ITPKB: variants seen among roughly 807,000 people sequenced by gnomAD.
ITPKB encodes the protein inositol-trisphosphate 3-kinase B, also known as IP3 3-kinase B.
ITPKB carries 13 observed loss-of-function variants against 69.4 expected under a neutral mutation model. That is an observed-to-expected ratio of 0.19 (90% CI 0.12 to 0.30). The LOEUF is 0.30. Among genes scored for constraint, ITPKB ranks in the 10% least tolerant of loss-of-function variants. The pLI is 1.00. For missense variants in ITPKB, 1,240 were observed against 1,250.5 expected (o/e 0.99, Z 0.13); for synonymous variants, 584 against 513.7 (o/e 1.14, Z -1.85).
At chr1:226,640,861 C>T (rs950231610) in intron 5 of ITPKB, among the ~76,000 whole-genome samples, 1 of 152,216 alleles carries the variant, frequency 6.6e-6, no homozygotes, top group African/African-American at 2.4e-5. Flanking sequence ...CCACATGCCA[C>T]CGTGGGCAGC....
chr1:226,663,014 G>T (rs952430118), intron 2 of ITPKB, among the ~76,000 whole-genome samples: 4 of 152,146 alleles, frequency 2.6e-5, no homozygotes, highest in South Asian at 4.1e-4. Context: ...ATCTGTTCAC[G>T]TGCAGACCTC....
Position 226,736,938 on chromosome 1 carries a change from G to C in ITPKB, c.521C>G (p.Ser174Trp), listed in dbSNP as rs1657797106. ...PRSPRLGRARSPSPCPFRSSS... is the reference protein window; with the variant it reads ...PRSPRLGRARWPSPCPFRSSS... Reference sequence around the variant, plus strand: ...GCTGCGGAAGGGGCACGGGGAGGGCGAGCGAGCCCTGCCCAAACGCGGGCT... The same window carrying C: ...GCTGCGGAAGGGGCACGGGGAGGGCCAGCGAGCCCTGCCCAAACGCGGGCT... The change falls in exon 2 of 8, where the codon TCG becomes TGG. Residue 174 changes from serine (S) to tryptophan (W), a missense_variant. Around this residue, in one of 2 missense-constraint regions of ITPKB, gnomAD observed 992 missense variants for 853.8 expected, o/e 1.16. Coordinates refer to ENST00000429204, the MANE Select transcript of ITPKB (RefSeq NM_002221.4). The C allele has an allele frequency of 6.2e-7, 1 of 1,611,104 alleles. No homozygotes were observed. Among genetic ancestry groups the C allele is most frequent in the Non-Finnish European group, 8.5e-7 (1 of 1,179,986 alleles).
chr1:226,683,764 T>C (rs1656138718), intron 2 of ITPKB, among the ~76,000 whole-genome samples: 2 of 152,026 alleles, frequency 1.3e-5, no homozygotes, highest in East Asian at 1.9e-4. Flanking sequence ...TCTGAGAAAA[T>C]GGCAAAGCCA....
At chr1:226,640,293 G>A (rs1228878361) in intron 5 of ITPKB, among the ~76,000 whole-genome samples, 1 of 152,208 alleles carries the variant, frequency 6.6e-6, no homozygotes, top group African/African-American at 2.4e-5. Context: ...GGGCTTTGCT[G>A]ACCTATGAGG....
chr1:226,723,291 G>T (rs1657299227), intron 2 of ITPKB, among the ~76,000 whole-genome samples: 2 of 152,118 alleles, frequency 1.3e-5, no homozygotes, highest in Admixed American at 6.5e-5. Context: ...ACTTCAAGAG[G>T]AGGCCAGGGT....
At chr1:226,645,555 C>G (rs113548259) in intron 4 of ITPKB, among the ~76,000 whole-genome samples, 3 of 152,190 alleles carry the variant, frequency 2.0e-5, no homozygotes, top group Non-Finnish European at 4.4e-5. Flanking sequence ...TCACACAGGC[C>G]GTACTTTTTT....
chr1:226,672,422 T>A (rs1256692556), intron 2 of ITPKB, among the ~76,000 whole-genome samples: 1 of 152,250 alleles, frequency 6.6e-6, no homozygotes, highest in Non-Finnish European at 1.5e-5. Context: ...GGAGGATTCC[T>A]GTCAAACAAC....
chr1:226,735,460 T>C, intron 2 of ITPKB, 67 bp downstream of exon 2: 1 of 1,439,452 alleles, frequency 6.9e-7, no homozygotes, highest in Non-Finnish European at 9.2e-7. Flanking sequence ...GAAAAAGGGA[T>C]GCATAGGGCA....
rs752159960 is a variant in ITPKB at position 226,737,450 on chromosome 1, C to G, written c.9G>C (p.Val3=). The part of the protein sequence containing the change: MA[V]YCYALNSLVI... ...CCAGGCTATTGAGCGCATAGCAGTA[C>G]ACAGCCATAGTACTGGGTCCCGCGC... Residue 3 remains valine (V), a synonymous_variant, in exon 2 of 8, where the codon GTG becomes GTC. Transcript: ENST00000429204. 54 of 1,610,354 alleles carry G rather than the reference C, an allele frequency of 3.4e-5. No individual in the cohort carries two copies. The highest frequency in any genetic ancestry group is 1.0e-4 in the Admixed American group (6 of 59,950).
At chr1:226,644,596 C>T (rs964150561) in intron 4 of ITPKB, among the ~76,000 whole-genome samples, 1 of 152,224 alleles carries the variant, frequency 6.6e-6, no homozygotes, top group Non-Finnish European at 1.5e-5. Flanking sequence ...CACATGTCGG[C>T]GGGAGCCAGA....
At position 226,649,515 on chromosome 1, in the gene ITPKB, ATG is replaced by A. The variant is rs796420640; in HGVS notation, c.1933-746_1933-745del. Among the ~76,000 whole-genome samples, 439 of 143,778 alleles carry A rather than the reference ATG, an allele frequency of 3.1e-3. 2 individuals are homozygous for A. The highest frequency in any genetic ancestry group is 0.01 in the African/African-American group (391 of 38,144). 94.3% of individuals were successfully genotyped at this position (143,778 alleles called of 152,430 possible). A position where few individuals can be genotyped will look rare whatever the true frequency, so the allele number is the denominator to read the frequency against. On this transcript the variant is annotated intron_variant, in intron 2 of 7. Transcript: ENST00000429204. ...CAGTGTGTGCATGCGTGATATGTGC[ATG>A]TGTGTGATGTGTGCATGTGTGTGCA...
At chr1:226,693,691 AT>A (rs1571861448) in intron 2 of ITPKB, among the ~76,000 whole-genome samples, 1 of 152,224 alleles carries the variant, frequency 6.6e-6, no homozygotes, top group East Asian at 1.9e-4. Context: ...GAAGATCACA[AT>A]CTGTAGTTTT....
chr1:226,659,033 C>G (rs1669351543), intron 2 of ITPKB, among the ~76,000 whole-genome samples: 1 of 152,194 alleles, frequency 6.6e-6, no homozygotes, highest in Admixed American at 6.5e-5. Context: ...AAGGCTGGAG[C>G]TCCCAACCTG....
intron 2 of ITPKB, among the ~76,000 whole-genome samples, chr1:226,680,181 C>T (rs1176309480): frequency 1.3e-5 from 2 of 152,204 alleles, no homozygotes; most frequent in Admixed American, 6.5e-5. Flanking sequence ...CTCCAGGCAG[C>T]GCAGCGCCCG....
chr1:226,716,582 G>C (rs1196333451), intron 2 of ITPKB, among the ~76,000 whole-genome samples: 1 of 152,086 alleles, frequency 6.6e-6, no homozygotes, highest in African/African-American at 2.4e-5. Context: ...ACCCGCAAAA[G>C]GCCTCAGTGT....
intron 1 of ITPKB, 21 bp from the exon 2 acceptor site, chr1:226,737,684 A>C: frequency 1.1e-6 from 1 of 916,552 alleles, no homozygotes; most frequent in Non-Finnish European, 1.3e-6. Context: ...ACAAGGAGAA[A>C]AGTCAGGACC....
intron 2 of ITPKB, among the ~76,000 whole-genome samples, chr1:226,699,584 T>C (rs1016316117): frequency 1.2e-4 from 18 of 152,200 alleles, no homozygotes; most frequent in African/African-American, 4.1e-4. Flanking sequence ...AGCCAAAATA[T>C]TCAAACCACT....
At chr1:226,656,717 T>G (rs1229935263) in intron 2 of ITPKB, 1 of 152,246 alleles carries the variant, frequency 6.6e-6, no homozygotes, top group Non-Finnish European at 1.5e-5. Context: ...TGACGCAGAA[T>G]GCAATTCAAG....
At position 226,738,752 on chromosome 1, in the gene ITPKB, G is replaced by A. The variant is rs1416478283; in HGVS notation, c.-206+289C>T. Among the ~76,000 whole-genome samples, 2 of 152,334 alleles carry A rather than the reference G, an allele frequency of 1.3e-5. No homozygotes were observed. The highest frequency in any genetic ancestry group is 4.8e-5 in the African/African-American group (2 of 41,588). On this transcript the variant is annotated intron_variant, in intron 1 of 7. Coordinates refer to ENST00000429204, the MANE Select transcript of ITPKB (RefSeq NM_002221.4). The surrounding 1 kb of genome is among the most constrained non-coding windows in gnomAD (Gnocchi z 4.2). ...GGCAGCCTCGCCCGGCGCCAGCAGA[G>A]CCGCCCCGAGACCCCAGCCTGGGGA... is the stretch of plus-strand genomic sequence containing the variant.
Sources: allele counts gnomAD v4.1 joint callset (sites outside exome capture counted in the v4.1 genomes callset), GRCh38; gene constraint gnomAD v4.1.1; regional missense constraint gnomAD v4.1.1; non-coding constraint Gnocchi (gnomAD v3.1); transcripts MANE v1.5; gene names NCBI Gene and HGNC (gene_info 2026-07-23, HGNC 2026-07-21).